OR3A3: variants seen among roughly 807,000 people sequenced by gnomAD.
OR3A3 encodes the protein olfactory receptor 3A3.
For synonymous variants in OR3A3, 103 were observed against 163.9 expected, an observed-to-expected ratio of 0.63 and a Z score of 2.84; for missense variants, 275 against 391.4, an observed-to-expected ratio of 0.70 and a Z score of 2.51.
Position 3,415,235 on chromosome 17 carries a change from T to C in OR3A3, c.-7+3064T>C, listed in dbSNP as rs559466836. On this transcript the variant is annotated intron_variant, in intron 2 of 2. Coordinates refer to ENST00000641141, the Ensembl canonical transcript of OR3A3. ...GTATATTATTTTTATATTTACTTTT[T>C]ATCTTGAAATTTTCCTATACTTTCA... Among the ~76,000 whole-genome samples the C allele has an allele frequency of 2.0e-5, 3 of 152,134 alleles. No individual in the cohort carries two copies. The South Asian group carries it at 6.2e-4, about 32-fold the overall frequency.
chr17:3,415,554 T>G (rs1003431437), intron 2 of OR3A3, among the ~76,000 whole-genome samples: 9 of 113,258 alleles, frequency 7.9e-5, no homozygotes, highest in Non-Finnish European at 1.8e-4. Context: ...AAAGCGAAAC[T>G]CCAACTCAAA....
At chr17:3,413,845 C>CAAAAAACAA (rs113254525) in intron 2 of OR3A3, among the ~76,000 whole-genome samples, 10 of 143,144 alleles carry the variant, frequency 7.0e-5, no homozygotes, top group Admixed American at 2.1e-4. Context: ...AAACAAAAAA[C>CAAAAAACAA]AAAAAAAAAA....
intron 2 of OR3A3, among the ~76,000 whole-genome samples, chr17:3,418,068 T>G (rs1435018721): frequency 6.6e-6 from 1 of 152,258 alleles, no homozygotes. Context: ...CTCTGTCTTG[T>G]GTTCTTGTCA....
chr17:3,422,743 T>C (rs1246595111), exon 3 of OR3A3: 1 of 152,416 alleles, frequency 6.6e-6, no homozygotes, highest in Non-Finnish European at 1.5e-5. Context: ...TGTCCATGGG[T>C]GCACCTGAAC....
chr17:3,412,971 CTCTT>C (rs1312742273), intron 2 of OR3A3, among the ~76,000 whole-genome samples: 1 of 152,218 alleles, frequency 6.6e-6, no homozygotes, highest in Non-Finnish European at 1.5e-5. Context: ...TACTGATGCT[CTCTT>C]TCTCTGAAAT....
At chr17:3,420,422 T>A in intron 2 of OR3A3, 158 bp from the exon 3 acceptor site, 4 of 1,235,426 alleles carry the variant, frequency 3.2e-6, no homozygotes, top group Non-Finnish European at 4.5e-6. Flanking sequence ...GGTGGTGGCA[T>A]TCGGCATCTC....
chr17:3,417,206 AT>A (rs1332134911), intron 2 of OR3A3, among the ~76,000 whole-genome samples: 1 of 151,882 alleles, frequency 6.6e-6, no homozygotes, highest in African/African-American at 2.4e-5. Context: ...CTATTTTCTA[AT>A]TTTTTACTAT....
intron 2 of OR3A3, among the ~76,000 whole-genome samples, chr17:3,419,283 A>T (rs1056116452): frequency 1.3e-5 from 2 of 152,086 alleles, no homozygotes; most frequent in Non-Finnish European, 2.9e-5. Flanking sequence ...GCATACCTTC[A>T]CTTGATCTTC....
chr17:3,419,636 C>G (rs1047649868), intron 2 of OR3A3, among the ~76,000 whole-genome samples: 3 of 151,468 alleles, frequency 2.0e-5, no homozygotes, highest in Non-Finnish European at 4.4e-5. Context: ...TAAATATACA[C>G]AATTATTATT....
At chr17:3,423,681 C>G (rs1380175995) in exon 3 of OR3A3, 1 of 152,100 alleles carries the variant, frequency 6.6e-6, no homozygotes, top group African/African-American at 2.4e-5. Context: ...GCCTGTCATC[C>G]CAGTGCTTTG....
At chr17:3,422,938 T>C (rs1199512610) in exon 3 of OR3A3, 1 of 152,206 alleles carries the variant, frequency 6.6e-6, no homozygotes, top group Non-Finnish European at 1.5e-5. Context: ...AGGATGGAAG[T>C]AATGAAGGAA....
intron 2 of OR3A3, among the ~76,000 whole-genome samples, chr17:3,414,601 T>C (rs1325035877): frequency 6.6e-6 from 1 of 152,148 alleles, no homozygotes; most frequent in East Asian, 1.9e-4. Context: ...GGAGCAGCAA[T>C]GCGATCAGAG....
chr17:3,417,550 C>T (rs905873589), intron 2 of OR3A3, among the ~76,000 whole-genome samples: 12 of 152,084 alleles, frequency 7.9e-5, no homozygotes, highest in Non-Finnish European at 5.9e-5. Context: ...TCTTTGTTGG[C>T]TGAAGTTTAT....
chr17:3,420,741 C>G (rs775558459), exon 3 of OR3A3: 14 of 1,402,778 alleles, frequency 1.0e-5, no homozygotes, highest in Non-Finnish European at 1.3e-5. Flanking sequence ...TGGCAGCCGT[C>G]TTGGTGGAGC....
chr17:3,411,829 C>T (rs2072363946), intron 1 of OR3A3, 149 bp from the exon 2 acceptor site: 2 of 152,344 alleles, frequency 1.3e-5, no homozygotes, highest in African/African-American at 4.8e-5. Context: ...TCTGCCGTAA[C>T]AACCTGCCCA....
intron 2 of OR3A3, among the ~76,000 whole-genome samples, chr17:3,415,386 C>A (rs2072384309): frequency 6.6e-6 from 1 of 151,436 alleles, no homozygotes; most frequent in African/African-American, 2.4e-5. Flanking sequence ...CATGGTGAAA[C>A]CCTATCTCTA....
intron 2 of OR3A3, among the ~76,000 whole-genome samples, chr17:3,420,198 T>C (rs528740113): frequency 4.6e-5 from 7 of 152,308 alleles, no homozygotes; most frequent in Middle Eastern, 3.4e-3. Flanking sequence ...ATGATTAGTA[T>C]AGTGAAACAA....
rs1567584291 is a variant in OR3A3 at position 3,420,568 on chromosome 17, A to G, written c.-6-12A>G. 6.5e-7 allele frequency: 1 copy of G among 1,546,074 alleles called. No homozygotes were observed. The highest frequency in any genetic ancestry group is 1.3e-5 in the South Asian group (1 of 79,258). The stretch of plus-strand genomic sequence containing the variant: ...GAACTGATACCTCCCCTGCTGGGAC[A>G]TGTCCTTACAGAAACTCATGGAGCC... On this transcript the variant is annotated splice_polypyrimidine_tract_variant and intron_variant, in intron 2 of 2. Coordinates refer to ENST00000641141, the Ensembl canonical transcript of OR3A3.
At chr17:3,421,652 T>A in exon 3 of OR3A3, 2 of 1,161,620 alleles carry the variant, frequency 1.7e-6, no homozygotes, top group South Asian at 3.5e-5. Flanking sequence ...AGTGGTGTTA[T>A]GTGTTTGGCC....
Sources: gnomAD v4.1 joint callset for allele counts (sites outside exome capture counted in the v4.1 genomes callset) on GRCh38, gnomAD v4.1.1 for gene constraint, MANE v1.5 for transcripts, NCBI Gene and HGNC (gene_info 2026-07-23, HGNC 2026-07-21) for gene names.